The following SYN3 variants were observed in gnomAD, a reference collection of about 807,000 sequenced individuals.
The protein encoded by SYN3 is synapsin III.
SYN3 carries 35 observed loss-of-function variants against 65.8 expected under a neutral mutation model. The ratio of observed to expected loss-of-function variants is 0.53; its 90% CI spans 0.41 to 0.70. SYN3 has a LOEUF of 0.70. Among genes scored for constraint, SYN3 ranks in the 30% least tolerant of loss-of-function variants. SYN3 has a pLI of 0.00. For missense variants in SYN3, 680 were observed against 749.0 expected (o/e 0.91, Z 1.08); for synonymous variants, 270 against 292.9 (o/e 0.92, Z 0.80).
At chr22:32,757,548 T>C (rs557881423) in intron 6 of SYN3, among the ~76,000 whole-genome samples, 2 of 152,014 alleles carry the variant, frequency 1.3e-5, no homozygotes, top group East Asian at 3.9e-4. Context: ...CCGCCAGCCT[T>C]GGCCTCCCAA....
intron 2 of SYN3, among the ~76,000 whole-genome samples, chr22:32,997,899 C>T (rs540017949): frequency 5.3e-5 from 8 of 151,776 alleles, no homozygotes; most frequent in South Asian, 2.1e-4. Flanking sequence ...TGGTGGTGGG[C>T]GCCTGTAGTC....
At chr22:32,838,120 G>A (rs1184516671) in intron 6 of SYN3, among the ~76,000 whole-genome samples, 1 of 152,172 alleles carries the variant, frequency 6.6e-6, no homozygotes, top group Non-Finnish European at 1.5e-5. Context: ...CTTCTTAAAG[G>A]TAGGAACCTT....
At chr22:32,820,885 A>C (rs2047227713) in intron 6 of SYN3, among the ~76,000 whole-genome samples, 1 of 152,218 alleles carries the variant, frequency 6.6e-6, no homozygotes, top group African/African-American at 2.4e-5. Context: ...AGTTTGCCAG[A>C]TATTGCTAAT....
chr22:32,719,981 A>G (rs912950408), intron 6 of SYN3, among the ~76,000 whole-genome samples: 2 of 152,222 alleles, frequency 1.3e-5, no homozygotes, highest in African/African-American at 4.8e-5. Context: ...TCTGCTGACA[A>G]TTGGATCCCA....
chr22:32,733,124 G>GT (rs1405416241), intron 6 of SYN3, among the ~76,000 whole-genome samples: 1 of 152,194 alleles, frequency 6.6e-6, no homozygotes, highest in Non-Finnish European at 1.5e-5. Context: ...GTGGCTGAGT[G>GT]TGGGGGGCAA....
intron 7 of SYN3, among the ~76,000 whole-genome samples, chr22:32,591,119 G>A (rs894441845): frequency 5.9e-5 from 9 of 152,106 alleles, no homozygotes; most frequent in South Asian, 2.1e-4. Flanking sequence ...TAAAGTGGAC[G>A]AGGCAACTTA....
chr22:32,988,110 CAT>C (rs2052583318), intron 2 of SYN3, among the ~76,000 whole-genome samples: 1 of 151,856 alleles, frequency 6.6e-6, no homozygotes, highest in South Asian at 2.1e-4. Context: ...AGATCAAGAC[CAT>C]CCTGGCCAAC....
intron 7 of SYN3, among the ~76,000 whole-genome samples, chr22:32,581,792 C>CTTTTTTTTTTTTTTTTTT (rs10716395): frequency 2.4e-5 from 2 of 84,322 alleles, no homozygotes; most frequent in Non-Finnish European, 4.4e-5. Context: ...TTCTTTCTTT[C>CTTTTTTTTTTTTTTTTTT]TTTTTTTTTT....
chr22:32,676,877 A>C (rs1827623334), intron 6 of SYN3, among the ~76,000 whole-genome samples: 1 of 152,126 alleles, frequency 6.6e-6, no homozygotes, highest in African/African-American at 2.4e-5. Flanking sequence ...CCCACGTGAC[A>C]GGCCTTGTGC....
intron 4 of SYN3, among the ~76,000 whole-genome samples, chr22:32,879,882 A>G (rs1168456650): frequency 6.6e-6 from 1 of 152,236 alleles, no homozygotes; most frequent in Non-Finnish European, 1.5e-5. Flanking sequence ...TGGTTAAAAT[A>G]ATGAGGAGTG....
chr22:32,636,196 T>C (rs913443443), intron 6 of SYN3, among the ~76,000 whole-genome samples: 1 of 151,034 alleles, frequency 6.6e-6, no homozygotes, highest in African/African-American at 2.4e-5. Flanking sequence ...GGTCAGGAGA[T>C]TGAGACCATC....
At chr22:32,969,582 C>T (rs1026090089) in intron 3 of SYN3, among the ~76,000 whole-genome samples, 1 of 152,166 alleles carries the variant, frequency 6.6e-6, no homozygotes, top group Admixed American at 6.5e-5. Context: ...GGGAGAAATG[C>T]AGTGTGAAAA....
At chr22:32,797,551 C>A (rs1314403947) in intron 6 of SYN3, among the ~76,000 whole-genome samples, 1 of 152,110 alleles carries the variant, frequency 6.6e-6, no homozygotes, top group African/African-American at 2.4e-5. Context: ...ACCTTCCTAA[C>A]TTTTTAGTGC....
chr22:32,771,402 C>T (rs1191498689), intron 6 of SYN3, among the ~76,000 whole-genome samples: 1 of 152,226 alleles, frequency 6.6e-6, no homozygotes, highest in Non-Finnish European at 1.5e-5. Flanking sequence ...CCCTGCCAGG[C>T]TCTTTGGGCC....
At chr22:32,882,955 C>A (rs1448809198) in intron 4 of SYN3, among the ~76,000 whole-genome samples, 2 of 152,116 alleles carry the variant, frequency 1.3e-5, no homozygotes, top group Admixed American at 6.5e-5. Flanking sequence ...CTATTCTCCA[C>A]CAGGCCCTGA....
intron 1 of SYN3, among the ~76,000 whole-genome samples, chr22:33,012,245 T>A (rs116347838): frequency 0.011 from 1,637 of 152,320 alleles, 35 homozygotes; most frequent in African/African-American, 0.036. Flanking sequence ...TTATTCTGTT[T>A]ATCCCTTATA....
intron 7 of SYN3, among the ~76,000 whole-genome samples, chr22:32,581,350 C>T (rs539592032): frequency 3.3e-5 from 5 of 152,320 alleles, no homozygotes; most frequent in African/African-American, 7.2e-5. Context: ...CTCAGGTGAT[C>T]GGCCCGCCTT....
intron 6 of SYN3, among the ~76,000 whole-genome samples, chr22:32,713,450 T>A (rs1208916962): frequency 6.6e-6 from 1 of 152,192 alleles, no homozygotes; most frequent in Non-Finnish European, 1.5e-5. Context: ...TTGCTGAAGA[T>A]CATGTGGGTT....
At chr22:32,831,001 C>A (rs107614) in intron 6 of SYN3, among the ~76,000 whole-genome samples, 145,430 of 152,290 alleles carry the variant, frequency 0.95, 69,497 homozygotes, top group African/African-American at 0.99. Flanking sequence ...AGAGGAGAAA[C>A]ATGAAGGTAA....
Sources: gnomAD v4.1 joint callset for allele counts (sites outside exome capture counted in the v4.1 genomes callset) on GRCh38, gnomAD v4.1.1 for gene constraint, MANE v1.5 for transcripts, NCBI Gene and HGNC (gene_info 2026-07-23, HGNC 2026-07-21) for gene names.